NCKAP5: variants seen among roughly 807,000 people sequenced by gnomAD.
The protein encoded by NCKAP5 is NCK associated protein 5.
NCKAP5 carries 92 observed loss-of-function variants against 167.0 expected under a neutral mutation model. The ratio of observed to expected loss-of-function variants is 0.55; its 90% confidence interval spans 0.47 to 0.66. The LOEUF (loss-of-function observed/expected upper bound fraction) is 0.66. Among genes scored for constraint, NCKAP5 ranks in the 30% least tolerant of loss-of-function variants. The pLI is 0.00. For synonymous variants in NCKAP5, 891 were observed against 877.4 expected, an observed-to-expected ratio of 1.02 and a Z score of -0.27; for missense variants, 2,378 against 2,315.0, an observed-to-expected ratio of 1.03 and a Z score of -0.56.
chr2:133,393,638 T>C (rs73001142), intron 3 of NCKAP5, among the ~76,000 whole-genome samples: 5,484 of 152,306 alleles, frequency 0.036, 311 homozygotes, highest in African/African-American at 0.12. Flanking sequence ...CAACAAGTTC[T>C]AATATTTATG....
intron 3 of NCKAP5, among the ~76,000 whole-genome samples, chr2:133,424,704 C>A (rs1347266405): frequency 6.6e-6 from 1 of 152,082 alleles, no homozygotes; most frequent in African/African-American, 2.4e-5. Context: ...GCAATGTAGC[C>A]TCATTAGGAA....
chr2:132,757,319 G>A (rs1409236106), intron 16 of NCKAP5, among the ~76,000 whole-genome samples: 2 of 152,066 alleles, frequency 1.3e-5, no homozygotes, highest in Non-Finnish European at 2.9e-5. Context: ...AGACACTACC[G>A]TTTTCAAAAA....
chr2:133,537,029 T>C (rs1039481784), intron 2 of NCKAP5, among the ~76,000 whole-genome samples: 1 of 152,106 alleles, frequency 6.6e-6, no homozygotes, highest in Non-Finnish European at 1.5e-5. Context: ...TCTCCAATTA[T>C]CCTAACATTA....
At chr2:132,984,348 G>C (rs1402147190) in intron 7 of NCKAP5, among the ~76,000 whole-genome samples, 1 of 152,150 alleles carries the variant, frequency 6.6e-6, no homozygotes, top group Non-Finnish European at 1.5e-5. Flanking sequence ...ACCGAAAGCT[G>C]TAAAGGGGAA....
chr2:132,993,305 G>A (rs2077498147), intron 7 of NCKAP5, among the ~76,000 whole-genome samples: 1 of 152,168 alleles, frequency 6.6e-6, no homozygotes, highest in Non-Finnish European at 1.5e-5. Flanking sequence ...TATATACAGT[G>A]TCTGTGCTGT....
chr2:133,213,045 C>T (rs999856208), intron 5 of NCKAP5, among the ~76,000 whole-genome samples: 2 of 152,240 alleles, frequency 1.3e-5, no homozygotes, highest in South Asian at 2.1e-4. Flanking sequence ...GCTGTATTTT[C>T]GTTTCAGAAG....
chr2:133,456,591 G>T (rs1691877947), intron 3 of NCKAP5, among the ~76,000 whole-genome samples: 1 of 152,098 alleles, frequency 6.6e-6, no homozygotes, highest in African/African-American at 2.4e-5. Context: ...TGTATGTCAT[G>T]ATATTTTAGA....
At chr2:132,900,875 G>A (rs185297191) in intron 8 of NCKAP5, among the ~76,000 whole-genome samples, 128 of 150,844 alleles carry the variant, frequency 8.5e-4, no homozygotes, top group African/African-American at 3.0e-3. Flanking sequence ...CAGGAGAATC[G>A]CGTGAACCCA....
intron 5 of NCKAP5, among the ~76,000 whole-genome samples, chr2:133,157,247 A>G (rs2149916713): frequency 6.6e-6 from 1 of 152,332 alleles, no homozygotes; most frequent in South Asian, 2.1e-4. Flanking sequence ...ATGGTGGTCT[A>G]CTTTCTTCTA....
At chr2:133,604,669 C>T in the NCKAP5 span, among the ~76,000 whole-genome samples, 1 of 152,132 alleles carries the variant, frequency 6.6e-6, no homozygotes, top group Non-Finnish European at 1.5e-5. Context: ...ACTCTCCTGA[C>T]TGTGTTAACC....
chr2:133,262,145 A>AT (rs1159528667), intron 4 of NCKAP5, among the ~76,000 whole-genome samples: 6 of 151,880 alleles, frequency 4.0e-5, no homozygotes, highest in South Asian at 2.1e-4. Flanking sequence ...AATGCACATA[A>AT]TTTTTTTTTA....
At chr2:132,808,572 T>G (rs1685617497) in intron 11 of NCKAP5, among the ~76,000 whole-genome samples, 1 of 152,166 alleles carries the variant, frequency 6.6e-6, no homozygotes, top group Non-Finnish European at 1.5e-5. Context: ...CAGCCTTAAT[T>G]GATCTTTTGT....
the NCKAP5 span, among the ~76,000 whole-genome samples, chr2:133,646,413 A>G: frequency 2.0e-5 from 3 of 152,140 alleles, no homozygotes; most frequent in African/African-American, 7.2e-5. Context: ...AAACTTTGCA[A>G]GTAAGAAGGA....
At chr2:132,917,283 G>A (rs1574621795) in intron 8 of NCKAP5, among the ~76,000 whole-genome samples, 1 of 152,104 alleles carries the variant, frequency 6.6e-6, no homozygotes, top group Non-Finnish European at 1.5e-5. Context: ...TATGGTTTTA[G>A]AAAATGATTT....
chr2:133,390,663 T>C (rs989055033), intron 3 of NCKAP5, among the ~76,000 whole-genome samples: 2 of 152,310 alleles, frequency 1.3e-5, no homozygotes, highest in Non-Finnish European at 2.9e-5. Flanking sequence ...AGAGTAGTGG[T>C]TCTTAACCCT....
At chr2:133,075,035 TAAG>T (rs1442906623) in intron 6 of NCKAP5, among the ~76,000 whole-genome samples, 5 of 151,698 alleles carry the variant, frequency 3.3e-5, no homozygotes, top group African/African-American at 1.2e-4. Context: ...AAAACAAAAT[TAAG>T]AAGAACCATA....
intron 4 of NCKAP5, among the ~76,000 whole-genome samples, chr2:133,243,044 G>C (rs760496226): frequency 1.3e-5 from 2 of 152,046 alleles, no homozygotes; most frequent in Non-Finnish European, 2.9e-5. Flanking sequence ...ACCATATTAT[G>C]CTATAAAATC....
chr2:133,633,325 T>C, the NCKAP5 span, among the ~76,000 whole-genome samples: 1 of 152,186 alleles, frequency 6.6e-6, no homozygotes, highest in African/African-American at 2.4e-5. Flanking sequence ...GAACGGCCGC[T>C]TGGCCTTTCT....
chr2:133,128,949 T>TA (rs2082497204), intron 6 of NCKAP5, among the ~76,000 whole-genome samples: 1 of 114,004 alleles, frequency 8.8e-6, no homozygotes, highest in Non-Finnish European at 1.9e-5. Flanking sequence ...TCACTGATTT[T>TA]TTTTTTTTTT....
Sources: allele counts gnomAD v4.1 joint callset (sites outside exome capture counted in the v4.1 genomes callset), GRCh38; gene constraint gnomAD v4.1.1; transcripts MANE v1.5; gene names NCBI Gene and HGNC (gene_info 2026-07-23, HGNC 2026-07-21).